Variants in CHRNA7 observed in about 807,000 individuals in gnomAD.
CHRNA7 encodes the protein cholinergic receptor nicotinic alpha 7 subunit, also known as neuronal acetylcholine receptor subunit alpha-7.
In CHRNA7, 17 loss-of-function variants were observed where a neutral mutation model predicts 48.0. The observed-to-expected ratio is 0.35, with a 90% CI of 0.24 to 0.53. The LOEUF (loss-of-function observed/expected upper bound fraction) is 0.53, where lower values mean the gene tolerates loss of function less well. Among genes scored for constraint, CHRNA7 ranks in the 20% least tolerant of loss-of-function variants. CHRNA7 has a pLI of 0.92. For synonymous variants in CHRNA7, 75 were observed against 242.3 expected, an observed-to-expected ratio of 0.31 and a Z score of 6.41; for missense variants, 155 against 577.7, an observed-to-expected ratio of 0.27 and a Z score of 7.50.
chr15:32,148,859 C>T (rs569570602), intron 4 of CHRNA7, among the ~76,000 whole-genome samples: 56 of 152,348 alleles, frequency 3.7e-4, no homozygotes, highest in East Asian at 3.7e-3. Flanking sequence ...CCATGCCCTC[C>T]GCCAGGGGCC....
intron 4 of CHRNA7, among the ~76,000 whole-genome samples, chr15:32,147,921 A>G (rs2051525597): frequency 6.6e-6 from 1 of 152,210 alleles, no homozygotes; most frequent in Non-Finnish European, 1.5e-5. Flanking sequence ...GTGTCTTCAC[A>G]TGGAATTGGG....
chr15:32,117,896 G>A lies in CHRNA7; in HGVS notation c.350+5997G>A, dbSNP rs565462781. Among the ~76,000 whole-genome samples the A allele has an allele frequency of 1.9e-4, 29 of 152,270 alleles. No individual in the cohort carries two copies. The South Asian group carries it at 6.0e-3, about 32-fold the overall frequency. On this transcript the variant is annotated intron_variant, in intron 4 of 9. Transcript: ENST00000306901. ...GGCCAGGCTCTTGGAGGGCCCAAGG[G>A]CATCACTGGAAGGTGATGTGGTTGC...
chr15:32,052,595 G>T (rs887030731), intron 2 of CHRNA7, among the ~76,000 whole-genome samples: 2 of 152,154 alleles, frequency 1.3e-5, no homozygotes, highest in African/African-American at 4.8e-5. Context: ...TGGGGGTGAT[G>T]GCGCATGCCT....
intron 2 of CHRNA7, among the ~76,000 whole-genome samples, chr15:32,068,697 T>C (rs1205079113): frequency 1.3e-5 from 2 of 150,746 alleles, no homozygotes; most frequent in African/African-American, 4.9e-5. Flanking sequence ...CACTCCAGCC[T>C]GGGTGGCAGA....
intron 4 of CHRNA7, among the ~76,000 whole-genome samples, chr15:32,114,187 A>T (rs2050828696): frequency 6.6e-6 from 1 of 151,222 alleles, no homozygotes. Flanking sequence ...TATGTATAAC[A>T]TGTTGGTGGA....
intron 3 of CHRNA7, among the ~76,000 whole-genome samples, chr15:32,108,599 G>A (rs942880651): frequency 2.6e-5 from 4 of 152,148 alleles, no homozygotes; most frequent in Non-Finnish European, 5.9e-5. Flanking sequence ...GGGGCCCCCG[G>A]GCTCAGGATT....
chr15:32,040,717 TTAA>T (rs1462928424), intron 2 of CHRNA7, among the ~76,000 whole-genome samples: 19 of 152,022 alleles, frequency 1.2e-4, no homozygotes, highest in Admixed American at 1.2e-3. Flanking sequence ...GTTAGATAAA[TTAA>T]TAAGAAAAAC....
intron 4 of CHRNA7, among the ~76,000 whole-genome samples, chr15:32,139,528 G>A (rs2051337361): frequency 6.6e-6 from 1 of 151,706 alleles, no homozygotes. Context: ...AGCATTTGGT[G>A]TTGTCAGTGT....
chr15:32,135,050 A>G (rs1375933489), intron 4 of CHRNA7, among the ~76,000 whole-genome samples: 1 of 152,190 alleles, frequency 6.6e-6, no homozygotes, highest in Non-Finnish European at 1.5e-5. Flanking sequence ...AAGCGCTGTG[A>G]TTATTTTCAG....
intron 2 of CHRNA7, among the ~76,000 whole-genome samples, chr15:32,045,939 A>C (rs971424752): frequency 1.3e-5 from 2 of 149,764 alleles, no homozygotes; most frequent in Non-Finnish European, 1.5e-5. Flanking sequence ...TGTCCTTGGG[A>C]TAGTTTACTG....
chr15:32,143,176 T>G (rs2051417288), intron 4 of CHRNA7, among the ~76,000 whole-genome samples: 1 of 152,212 alleles, frequency 6.6e-6, no homozygotes, highest in Non-Finnish European at 1.5e-5. Flanking sequence ...ATTTCGTTAT[T>G]TACCCAGTAG....
intron 2 of CHRNA7, among the ~76,000 whole-genome samples, chr15:32,073,723 A>G (rs2050093237): frequency 6.6e-6 from 1 of 152,068 alleles, no homozygotes; most frequent in Admixed American, 6.5e-5. Context: ...TGGGTGTTTA[A>G]AAGAGGCTAG....
In CHRNA7 at chr15:32,048,506, G is replaced by T. The variant is rs574586558; in HGVS notation, c.195+17469G>T. ...TGATAGTTTGTATTTCTGTGGGATT[G>T]GTGGTCATATCCCCTTTATCATTTT... On this transcript the variant is annotated intron_variant, in intron 2 of 9. Coordinates refer to ENST00000306901, the MANE Select transcript of CHRNA7 (RefSeq NM_000746.6). 2.0e-5 allele frequency among the ~76,000 whole-genome samples: 3 copies of T among 152,232 alleles called. No individual in the cohort carries two copies. The South Asian group carries it at 6.2e-4, about 32-fold the overall frequency.
intron 4 of CHRNA7, among the ~76,000 whole-genome samples, chr15:32,138,511 A>G (rs2051313928): frequency 6.6e-6 from 1 of 150,530 alleles, no homozygotes; most frequent in South Asian, 2.1e-4. Context: ...ATTGAAATAG[A>G]TGAACTGATG....
rs752177389 is a variant in CHRNA7 at position 32,030,667 on chromosome 15, C to T, written c.55+18C>T. Reference sequence around the variant, plus strand: ...CCTGCACGGTAAAGCCACTGCCTCCCCGCCCTCCACTCCTCCGTGGGATCC... The same window carrying T: ...CCTGCACGGTAAAGCCACTGCCTCCTCGCCCTCCACTCCTCCGTGGGATCC... On this transcript the variant is annotated intron_variant, in intron 1 of 9. Transcript: ENST00000306901. 1.3e-6 allele frequency: 2 copies of T among 1,567,922 alleles called. No homozygotes were observed. The highest frequency in any genetic ancestry group is 1.7e-6 in the Non-Finnish European group (2 of 1,160,044).
intron 2 of CHRNA7, among the ~76,000 whole-genome samples, chr15:32,039,933 T>G (rs1201498800): frequency 6.6e-6 from 1 of 152,166 alleles, no homozygotes; most frequent in Non-Finnish European, 1.5e-5. Context: ...GCTGTGTTTT[T>G]GGGCATATAC....
chr15:32,138,838 C>T (rs111540552), intron 4 of CHRNA7, among the ~76,000 whole-genome samples: 1 of 152,090 alleles, frequency 6.6e-6, no homozygotes, highest in African/African-American at 2.4e-5. Context: ...ACTGCAACCT[C>T]CACGTCCCGG....
intron 2 of CHRNA7, among the ~76,000 whole-genome samples, chr15:32,085,642 T>C (rs1483714132): frequency 1.3e-5 from 2 of 152,250 alleles, no homozygotes; most frequent in African/African-American, 4.8e-5. Context: ...GTTTCAATTA[T>C]GCTGACTCCA....
intron 4 of CHRNA7, among the ~76,000 whole-genome samples, chr15:32,116,076 T>C (rs2050865183): frequency 6.6e-6 from 1 of 152,196 alleles, no homozygotes; most frequent in African/African-American, 2.4e-5. Flanking sequence ...GAAAATAATA[T>C]GTTCTGCTTA....
Sources: gnomAD v4.1 joint callset for allele counts (sites outside exome capture counted in the v4.1 genomes callset) on GRCh38, gnomAD v4.1.1 for gene constraint, MANE v1.5 for transcripts, NCBI Gene and HGNC (gene_info 2026-07-23, HGNC 2026-07-21) for gene names.